The following CTNND2 variants were observed in gnomAD, a reference collection of about 807,000 sequenced individuals.
The protein encoded by CTNND2 is catenin delta 2, also known as catenin delta-2.
Under a neutral mutation model 144.4 loss-of-function variants are expected in CTNND2, and 22 were observed. The ratio of observed to expected loss-of-function variants is 0.15; its 90% CI spans 0.11 to 0.22. The LOEUF is 0.22. Among genes scored for constraint, CTNND2 ranks in the 10% least tolerant of loss-of-function variants. CTNND2 has a pLI of 1.00. For missense variants in CTNND2, 1,353 were observed against 1,618.8 expected (o/e 0.84, Z 2.82); for synonymous variants, 751 against 695.6 (o/e 1.08, Z -1.25).
At chr5:11,604,001 A>G (rs1779932598) in intron 2 of CTNND2, among the ~76,000 whole-genome samples, 1 of 152,188 alleles carries the variant, frequency 6.6e-6, no homozygotes, top group Admixed American at 6.5e-5. Flanking sequence ...TTGAATTGGT[A>G]TTTTCCTTTT....
At chr5:11,537,145 G>T (rs1212163526) in intron 3 of CTNND2, among the ~76,000 whole-genome samples, 1 of 151,904 alleles carries the variant, frequency 6.6e-6, no homozygotes, top group African/African-American at 2.4e-5. Context: ...ACAAGCAGAA[G>T]ATACTATTGA....
intron 9 of CTNND2, among the ~76,000 whole-genome samples, chr5:11,258,341 C>T (rs1434294213): frequency 4.6e-5 from 7 of 152,184 alleles, no homozygotes; most frequent in Non-Finnish European, 8.8e-5. Context: ...CTTTTCTCTC[C>T]CTGGCAGCAT....
chr5:11,659,450 C>T (rs74376323), intron 2 of CTNND2, among the ~76,000 whole-genome samples: 3,368 of 152,214 alleles, frequency 0.022, 44 homozygotes, highest in East Asian at 0.057. Flanking sequence ...AATAAGTTCA[C>T]GTGTGGACTG....
chr5:11,441,308 T>G (rs60038420), intron 3 of CTNND2, among the ~76,000 whole-genome samples: 1 of 151,972 alleles, frequency 6.6e-6, no homozygotes, highest in Middle Eastern at 3.4e-3. Flanking sequence ...GGCCATTTTA[T>G]TATTGAGCTT....
chr5:11,116,003 A>G (rs911229293), intron 13 of CTNND2, among the ~76,000 whole-genome samples: 1 of 152,228 alleles, frequency 6.6e-6, no homozygotes, highest in African/African-American at 2.4e-5. Context: ...CAGATTCCCA[A>G]TTAGAGAGTC....
intron 16 of CTNND2, among the ~76,000 whole-genome samples, chr5:11,081,100 A>ACACACT (rs1189628372): frequency 4.6e-5 from 7 of 150,656 alleles, no homozygotes; most frequent in Non-Finnish European, 1.0e-4. Context: ...ACACACACAC[A>ACACACT]CACACACTCA....
intron 9 of CTNND2, among the ~76,000 whole-genome samples, chr5:11,239,232 T>C (rs1308767950): frequency 6.6e-6 from 1 of 152,264 alleles, no homozygotes; most frequent in Non-Finnish European, 1.5e-5. Flanking sequence ...ACAAGAACCC[T>C]AGGGAACAGG....
At chr5:11,459,757 G>A (rs1766035257) in intron 3 of CTNND2, among the ~76,000 whole-genome samples, 2 of 152,170 alleles carry the variant, frequency 1.3e-5, no homozygotes, top group Admixed American at 6.5e-5. Context: ...CATGGAAGGA[G>A]TTGTGGGTAC....
chr5:11,892,331 G>A (rs995788268), intron 1 of CTNND2, among the ~76,000 whole-genome samples: 3 of 152,074 alleles, frequency 2.0e-5, no homozygotes, highest in Admixed American at 6.6e-5. Context: ...ATCAATGTAC[G>A]AACAGTCCTA....
chr5:11,852,283 T>C (rs1795052885), intron 1 of CTNND2, among the ~76,000 whole-genome samples: 1 of 148,696 alleles, frequency 6.7e-6, no homozygotes. Context: ...GAAAGAGATT[T>C]TTTTAAGTGC....
intron 12 of CTNND2, among the ~76,000 whole-genome samples, chr5:11,128,895 T>TTA (rs1755049155): frequency 3.6e-5 from 2 of 55,132 alleles, no homozygotes; most frequent in East Asian, 8.1e-4. Flanking sequence ...TAAATATATA[T>TTA]TACATATATA....
At chr5:11,674,238 T>C (rs1007270558) in intron 2 of CTNND2, among the ~76,000 whole-genome samples, 1 of 152,172 alleles carries the variant, frequency 6.6e-6, no homozygotes, top group Non-Finnish European at 1.5e-5. Context: ...CTTTCAAAAT[T>C]ATAGCAAGGT....
intron 16 of CTNND2, among the ~76,000 whole-genome samples, chr5:11,047,393 T>C (rs972227910): frequency 2.0e-5 from 3 of 152,156 alleles, no homozygotes; most frequent in African/African-American, 4.8e-5. Flanking sequence ...TAAAAGGCAT[T>C]GTTTTGGGGT....
chr5:11,182,204 G>A (rs1351025832), intron 11 of CTNND2, among the ~76,000 whole-genome samples: 2 of 148,518 alleles, frequency 1.3e-5, no homozygotes, highest in Admixed American at 6.7e-5. Flanking sequence ...ATGTGTGTGT[G>A]GGTGTGTGTG....
At chr5:11,109,320 G>A (rs1554045265) in intron 14 of CTNND2, among the ~76,000 whole-genome samples, 1 of 152,092 alleles carries the variant, frequency 6.6e-6, no homozygotes, top group Non-Finnish European at 1.5e-5. Flanking sequence ...ACCATTTCTT[G>A]AACTAACAGC....
In CTNND2 at chr5:11,688,906, C is replaced by T. The variant is rs114450425; in HGVS notation, c.174+43230G>A. 2.7e-3 allele frequency among the ~76,000 whole-genome samples: 418 copies of T among 152,290 alleles called. 3 individuals are homozygous for T. The highest frequency in any genetic ancestry group is 9.6e-3 in the African/African-American group (401 of 41,574). On this transcript the variant is annotated intron_variant, in intron 2 of 21. Transcript: ENST00000304623. ...CCAAAGCAGGAAGAATTCCATTCTG[C>T]ATTCACTGATCACAGACGGAGTTGC... is the stretch of plus-strand genomic sequence containing the variant.
intron 16 of CTNND2, among the ~76,000 whole-genome samples, chr5:11,058,990 C>G (rs1487640080): frequency 6.6e-6 from 1 of 152,122 alleles, no homozygotes; most frequent in Non-Finnish European, 1.5e-5. Flanking sequence ...ATATCTCTAC[C>G]CCATTGTATC....
intron 5 of CTNND2, among the ~76,000 whole-genome samples, chr5:11,406,256 T>C (rs1377036352): frequency 6.6e-6 from 1 of 152,192 alleles, no homozygotes; most frequent in African/African-American, 2.4e-5. Context: ...TTTCAGGATG[T>C]GGGGTCTCTA....
At chr5:11,894,923 A>G (rs1737275497) in intron 1 of CTNND2, among the ~76,000 whole-genome samples, 1 of 152,182 alleles carries the variant, frequency 6.6e-6, no homozygotes, top group Non-Finnish European at 1.5e-5. Context: ...CATGCCTACT[A>G]CTATCCTATG....
Sources: gnomAD v4.1 joint callset for allele counts (sites outside exome capture counted in the v4.1 genomes callset) on GRCh38, gnomAD v4.1.1 for gene constraint, MANE v1.5 for transcripts, NCBI Gene and HGNC (gene_info 2026-07-23, HGNC 2026-07-21) for gene names.